The following CACNA2D4 variants were observed in gnomAD, a reference collection of about 807,000 sequenced individuals.
CACNA2D4 encodes calcium voltage-gated channel auxiliary subunit alpha2delta 4.
A neutral mutation model predicts 163.8 loss-of-function variants in CACNA2D4; 157 were observed. The observed-to-expected ratio is 0.96, with a 90% CI of 0.84 to 1.09. CACNA2D4 has a LOEUF of 1.09. Ranked by LOEUF, CACNA2D4 falls within the 50% of genes least tolerant of loss-of-function variation. CACNA2D4 has a pLI of 0.00. For synonymous variants in CACNA2D4, 598 were observed against 586.9 expected (o/e 1.02, Z -0.27); for missense variants, 1,410 against 1,479.9 (o/e 0.95, Z 0.78).
chr12:1,840,753 G>A lies in CACNA2D4; in HGVS notation c.2537C>T (p.Thr846Ile). The stretch of plus-strand genomic sequence containing the variant: ...GCCGTTCCTACCTGCAGCAATGGCT[G>A]TCCTCTTGTCCACGGTCACCGCCAC... Reference protein sequence around the residue: ...TAVAVTVDKRTAIAAAAGVQM... With the variant: ...TAVAVTVDKRIAIAAAAGVQM... The change falls in exon 26 of 38, where the codon ACA (threonine) becomes ATA (isoleucine). Residue 846 changes from threonine (T) to isoleucine (I), a missense_variant. Physicochemically the swap from Thr to Ile is moderately conservative, Grantham distance 89 (BLOSUM62 -1). Transcript: ENST00000382722. 1 of 1,613,770 alleles carries A rather than the reference G, an allele frequency of 6.2e-7. No homozygotes were observed. The highest frequency in any genetic ancestry group is 1.1e-5 in the South Asian group (1 of 91,082).
chr12:1,794,562 T>C (rs569978914), intron 37 of CACNA2D4, among the ~76,000 whole-genome samples: 1 of 152,308 alleles, frequency 6.6e-6, no homozygotes, highest in South Asian at 2.1e-4. Context: ...AGGGTTCCCA[T>C]GAGCCTGTCT....
chr12:1,896,559 T>C (rs1866405062), intron 6 of CACNA2D4, among the ~76,000 whole-genome samples: 1 of 150,186 alleles, frequency 6.7e-6, no homozygotes. Flanking sequence ...TGCAAATCAA[T>C]ACTACAAAGA....
intron 25 of CACNA2D4, 134 bp from the exon 26 acceptor site, chr12:1,840,953 G>T: frequency 1.3e-6 from 1 of 762,404 alleles, no homozygotes; most frequent in South Asian, 1.5e-5. Flanking sequence ...GGCGAGGGTG[G>T]GGACAGGGGT....
In CACNA2D4 at chr12:1,828,100, G is replaced by T. The variant is rs1337180266; in HGVS notation, c.2551+12639C>A. 8 of 1,468,198 alleles carry T rather than the reference G, an allele frequency of 5.4e-6. No homozygotes were observed. The highest frequency in any genetic ancestry group is 7.2e-6 in the Non-Finnish European group (8 of 1,104,718). 90.9% of individuals were successfully genotyped at this position (1,468,198 alleles called of 1,614,324 possible). On this transcript the variant is annotated intron_variant, in intron 26 of 37. Coordinates refer to ENST00000382722, the MANE Select transcript of CACNA2D4 (RefSeq NM_172364.5). This position sits in a 1 kb window ranked among gnomAD's most constrained non-coding sequence, Gnocchi z 4.2. ...GGACTGACAGGCGGCGCACCCAGGG[G>T]CTCCTCTCTCCCCAGAGCGACAGGG...
chr12:1,891,107 C>G (rs1866270858), intron 6 of CACNA2D4, among the ~76,000 whole-genome samples: 1 of 152,210 alleles, frequency 6.6e-6, no homozygotes, highest in Non-Finnish European at 1.5e-5. Context: ...CCTGAGCAAG[C>G]CACCTGGAGG....
At chr12:1,813,857 C>T (rs192151895) in intron 26 of CACNA2D4, among the ~76,000 whole-genome samples, 3 of 152,318 alleles carry the variant, frequency 2.0e-5, no homozygotes, top group East Asian at 1.9e-4. Context: ...CAGCGCACAG[C>T]GGCAGGTGAG....
At chr12:1,814,791 C>T (rs1863823775) in intron 26 of CACNA2D4, among the ~76,000 whole-genome samples, 1 of 152,212 alleles carries the variant, frequency 6.6e-6, no homozygotes, top group African/African-American at 2.4e-5. Context: ...CATCCTGCCT[C>T]TCTCTGATCC....
intron 18 of CACNA2D4, among the ~76,000 whole-genome samples, chr12:1,871,437 A>G (rs527863672): frequency 1.2e-4 from 16 of 134,982 alleles, no homozygotes; most frequent in African/African-American, 4.6e-4. Context: ...GTGTGTGTAC[A>G]CCTGTATGTT....
intron 6 of CACNA2D4, among the ~76,000 whole-genome samples, chr12:1,905,608 CA>C (rs149910462): frequency 0.047 from 7,120 of 151,940 alleles, 423 homozygotes; most frequent in African/African-American, 0.14. Context: ...ATGATAACAT[CA>C]AAAAGAATAA....
intron 4 of CACNA2D4, 135 bp from the exon 5 acceptor site, chr12:1,908,172 C>T: frequency 1.1e-6 from 1 of 893,162 alleles, no homozygotes; most frequent in East Asian, 2.5e-5. Context: ...CAAGCACCCG[C>T]GGCGGCGCGC....
At chr12:1,891,298 TG>T (rs1234666082) in intron 6 of CACNA2D4, among the ~76,000 whole-genome samples, 2 of 152,166 alleles carry the variant, frequency 1.3e-5, no homozygotes, top group African/African-American at 4.8e-5. Flanking sequence ...CCTAAGCCAC[TG>T]AGGAAATCAC....
intron 7 of CACNA2D4, among the ~76,000 whole-genome samples, chr12:1,886,774 G>C (rs1392083757): frequency 1.3e-5 from 2 of 152,144 alleles, no homozygotes; most frequent in African/African-American, 4.8e-5. Flanking sequence ...TCAGTGTCCT[G>C]GCAGGAGGTT....
At chr12:1,808,057 AGT>A (rs199979604) in intron 29 of CACNA2D4, among the ~76,000 whole-genome samples, 75,176 of 151,616 alleles carry the variant, frequency 0.5, 22,115 homozygotes, top group Non-Finnish European at 0.66. Context: ...ACTTGTTCTC[AGT>A]GATTTTACAA....
At chr12:1,916,058 G>A (rs1866969121) in intron 1 of CACNA2D4, among the ~76,000 whole-genome samples, 1 of 152,196 alleles carries the variant, frequency 6.6e-6, no homozygotes, top group Admixed American at 6.5e-5. Flanking sequence ...TTTGGTAGAG[G>A]TTAGCCTGCA....
chr12:1,909,039 A>C (rs1018745975), intron 4 of CACNA2D4, among the ~76,000 whole-genome samples: 1 of 152,110 alleles, frequency 6.6e-6, no homozygotes, highest in Non-Finnish European at 1.5e-5. Context: ...TTCCCTGCTG[A>C]GAAAGGCTCA....
rs544875326 is a variant in CACNA2D4 at position 1,847,948 on chromosome 12, G to A, written c.2247-1259C>T. Among the ~76,000 whole-genome samples the A allele has an allele frequency of 6.6e-5, 10 of 152,130 alleles. No homozygotes were observed. The East Asian group carries it at 1.2e-3, about 18-fold the overall frequency. On this transcript the variant is annotated intron_variant, in intron 23 of 37. Transcript: ENST00000382722. ...TATGATCAGATAATCCAGTCGCCTCGCGAATTTTTTTAAGTTTGGCTGAAT... is the reference window on the plus strand; with the variant it reads ...TATGATCAGATAATCCAGTCGCCTCACGAATTTTTTTAAGTTTGGCTGAAT...
chr12:1,800,969 C>T, intron 31 of CACNA2D4, 74 bp downstream of exon 31: 1 of 1,395,304 alleles, frequency 7.2e-7, no homozygotes, highest in East Asian at 2.3e-5. Flanking sequence ...GAACAGGGAC[C>T]AGTGACCTCA....
intron 22 of CACNA2D4, 58 bp from the exon 23 acceptor site, chr12:1,854,102 A>T: frequency 7.9e-7 from 1 of 1,263,906 alleles, no homozygotes; most frequent in Non-Finnish European, 1.1e-6. Flanking sequence ...CATGAACACA[A>T]CTCTCCCATC....
rs569095627 is a variant in CACNA2D4, at chr12:1,883,521, C to T, written c.1352-521G>A. Among the ~76,000 whole-genome samples the T allele has an allele frequency of 7.9e-5, 12 of 152,192 alleles. No homozygotes were observed. Among genetic ancestry groups the T allele is most frequent in the Non-Finnish European group, 1.5e-5 (1 of 68,030 alleles). ...TGGTGACACTCCAAAGCGCAGATGGCGCAGAAGGCTGTGAATGGCCTCTCC... is the reference window on the plus strand; with the variant it reads ...TGGTGACACTCCAAAGCGCAGATGGTGCAGAAGGCTGTGAATGGCCTCTCC... On this transcript the variant is annotated intron_variant, in intron 12 of 37. Transcript: ENST00000382722. This position sits in a 1 kb window ranked among gnomAD's most constrained non-coding sequence, Gnocchi z 4.5.
Sources: gnomAD v4.1 joint callset for allele counts (sites outside exome capture counted in the v4.1 genomes callset) on GRCh38, gnomAD v4.1.1 for gene constraint, Gnocchi (gnomAD v3.1) non-coding constraint, MANE v1.5 for transcripts, NCBI Gene and HGNC (gene_info 2026-07-23, HGNC 2026-07-21) for gene names.